Variants in DLG2 observed in about 807,000 individuals in gnomAD.
The protein encoded by DLG2 is disks large homolog 2.
In DLG2, 45 loss-of-function variants were observed where a neutral mutation model predicts 132.5. The ratio of observed to expected loss-of-function variants is 0.34; its 90% confidence interval spans 0.27 to 0.44. The LOEUF is 0.44. Among genes scored for constraint, DLG2 ranks in the 20% least tolerant of loss-of-function variants. DLG2 has a pLI of 1.00. For synonymous variants in DLG2, 424 were observed against 419.6 expected, an observed-to-expected ratio of 1.01 and a Z score of -0.13; for missense variants, 1,045 against 1,196.9, an observed-to-expected ratio of 0.87 and a Z score of 1.87.
chr11:84,236,077 A>G (rs2097154971), intron 8 of DLG2, among the ~76,000 whole-genome samples: 1 of 150,304 alleles, frequency 6.7e-6, no homozygotes, highest in African/African-American at 2.4e-5. Flanking sequence ...ACTAAGGCTC[A>G]GAGAGCTTAA....
chr11:85,496,795 C>A (rs1432511899), intron 3 of DLG2, among the ~76,000 whole-genome samples: 3 of 152,154 alleles, frequency 2.0e-5, no homozygotes, highest in African/African-American at 7.2e-5. Context: ...GGGTCTGGAG[C>A]AGACCTCCAT....
intron 9 of DLG2, among the ~76,000 whole-genome samples, chr11:84,114,420 A>G (rs2093525213): frequency 6.6e-6 from 1 of 152,152 alleles, no homozygotes; most frequent in South Asian, 2.1e-4. Flanking sequence ...TCTTGAAATC[A>G]CCCTTGACTA....
intron 15 of DLG2, among the ~76,000 whole-genome samples, chr11:83,889,448 C>T (rs2068990806): frequency 6.6e-6 from 1 of 152,118 alleles, no homozygotes; most frequent in African/African-American, 2.4e-5. Context: ...ATCAAAAAGT[C>T]AGGAAACAAC....
chr11:83,770,265 G>GTTTT (rs71066064), intron 18 of DLG2, among the ~76,000 whole-genome samples: 3 of 128,772 alleles, frequency 2.3e-5, no homozygotes, highest in African/African-American at 6.6e-5. Flanking sequence ...GTTTTTTTTT[G>GTTTT]TTTTTTTGCT....
chr11:83,930,559 C>A (rs906733939), intron 14 of DLG2, 76 bp from the exon 15 acceptor site: 31 of 1,399,036 alleles, frequency 2.2e-5, no homozygotes, highest in Non-Finnish European at 1.5e-5. Context: ...AGTAGCATCT[C>A]AGCATGTGCA....
chr11:85,275,900 G>A (rs1289466537), intron 4 of DLG2, among the ~76,000 whole-genome samples: 1 of 151,104 alleles, frequency 6.6e-6, no homozygotes. Context: ...AAAATACGAA[G>A]CTCCCCAAGG....
chr11:84,880,129 G>A (rs1248878398), intron 6 of DLG2, among the ~76,000 whole-genome samples: 1 of 152,026 alleles, frequency 6.6e-6, no homozygotes, highest in Non-Finnish European at 1.5e-5. Context: ...AAATGGAGGG[G>A]AAGCATCTCA....
chr11:83,705,697 TAC>T (rs1287478049), intron 18 of DLG2, among the ~76,000 whole-genome samples: 4 of 152,200 alleles, frequency 2.6e-5, no homozygotes, highest in African/African-American at 7.2e-5. Flanking sequence ...TAGAAACGTT[TAC>T]AGTTTCTACT....
intron 3 of DLG2, among the ~76,000 whole-genome samples, chr11:85,501,464 T>C (rs1050255439): frequency 6.6e-6 from 1 of 152,046 alleles, no homozygotes; most frequent in Admixed American, 6.6e-5. Flanking sequence ...AAAGAAACTA[T>C]CATCAGAGTG....
At chr11:84,405,648 T>C (rs969814946) in intron 7 of DLG2, among the ~76,000 whole-genome samples, 1 of 152,120 alleles carries the variant, frequency 6.6e-6, no homozygotes, top group African/African-American at 2.4e-5. Context: ...AGGTACATTC[T>C]AGTGGAAAGA....
intron 3 of DLG2, among the ~76,000 whole-genome samples, chr11:85,343,656 G>A (rs80321446): frequency 0.035 from 5,322 of 151,454 alleles, 141 homozygotes; most frequent in Admixed American, 0.049. Flanking sequence ...GCGCGTACAC[G>A]CACATACATA....
chr11:84,525,950 T>C (rs76196286), intron 7 of DLG2, among the ~76,000 whole-genome samples: 7,718 of 152,182 alleles, frequency 0.051, 233 homozygotes, highest in South Asian at 0.083. Context: ...AAGTAAAAAA[T>C]GATCTCGTGT....
chr11:84,353,493 AT>A, intron 7 of DLG2, among the ~76,000 whole-genome samples: 1 of 152,174 alleles, frequency 6.6e-6, no homozygotes, highest in Middle Eastern at 3.4e-3. Context: ...TCTCCAAAAT[AT>A]TTTTTTAATT....
At chr11:83,735,268 G>C (rs1042932942) in intron 18 of DLG2, among the ~76,000 whole-genome samples, 12 of 152,212 alleles carry the variant, frequency 7.9e-5, no homozygotes, top group African/African-American at 2.9e-4. Flanking sequence ...AATTGTTAAG[G>C]ATTATTGATT....
At chr11:84,297,772 C>T (rs1466440049) in intron 7 of DLG2, among the ~76,000 whole-genome samples, 1 of 152,008 alleles carries the variant, frequency 6.6e-6, no homozygotes, top group South Asian at 2.1e-4. Context: ...ACCTAACCCT[C>T]CAAACTCTAT....
intron 7 of DLG2, among the ~76,000 whole-genome samples, chr11:84,528,719 T>C (rs1214200667): frequency 6.6e-6 from 1 of 152,216 alleles, no homozygotes; most frequent in African/African-American, 2.4e-5. Context: ...AAGTTGAAAA[T>C]ATGACAGTTC....
At chr11:85,441,903 A>C (rs1475901574) in intron 3 of DLG2, among the ~76,000 whole-genome samples, 1 of 152,116 alleles carries the variant, frequency 6.6e-6, no homozygotes, top group Non-Finnish European at 1.5e-5. Flanking sequence ...GCACAAGTGG[A>C]AGATGTAAGG....
At chr11:84,313,671 A>AAGAC (rs1273113052) in intron 7 of DLG2, among the ~76,000 whole-genome samples, 1 of 151,594 alleles carries the variant, frequency 6.6e-6, no homozygotes, top group African/African-American at 2.4e-5. Context: ...GAAAGAAAGA[A>AAGAC]AGAAAGAAAG....
chr11:84,488,314 TG>T (rs1468588473), intron 7 of DLG2, among the ~76,000 whole-genome samples: 3 of 152,102 alleles, frequency 2.0e-5, no homozygotes, highest in Admixed American at 2.0e-4. Flanking sequence ...AAAGGAATCC[TG>T]GGAGGTGGTA....
Sources: allele counts gnomAD v4.1 joint callset (sites outside exome capture counted in the v4.1 genomes callset), GRCh38; gene constraint gnomAD v4.1.1; transcripts MANE v1.5; gene names NCBI Gene and HGNC (gene_info 2026-07-23, HGNC 2026-07-21).